Variants in RASAL2 observed in about 807,000 individuals in gnomAD.
RASAL2 encodes RAS protein activator like 2, also known as ras GTPase-activating protein nGAP.
RASAL2 carries 58 observed loss-of-function variants against 128.9 expected under a neutral mutation model. That is an observed-to-expected ratio of 0.45 (90% CI 0.36 to 0.56). The LOEUF is 0.56. Among genes scored for constraint, RASAL2 ranks in the 20% least tolerant of loss-of-function variants. RASAL2 has a pLI of 0.00. For synonymous variants in RASAL2, 561 were observed against 580.8 expected, an observed-to-expected ratio of 0.97 and a Z score of 0.49; for missense variants, 1,360 against 1,601.6, an observed-to-expected ratio of 0.85 and a Z score of 2.57.
intron 1 of RASAL2, among the ~76,000 whole-genome samples, chr1:178,259,324 G>A (rs933289281): frequency 6.6e-6 from 1 of 151,470 alleles, no homozygotes; most frequent in Non-Finnish European, 1.5e-5. Context: ...GTAGAGACGG[G>A]GTTTCACCGT....
intron 1 of RASAL2, among the ~76,000 whole-genome samples, chr1:178,174,871 A>G (rs1179852669): frequency 6.6e-6 from 1 of 152,164 alleles, no homozygotes; most frequent in African/African-American, 2.4e-5. Context: ...GCCAGATTGC[A>G]GCTTGTGAGC....
chr1:178,197,309 AG>A (rs1662691522), intron 1 of RASAL2, among the ~76,000 whole-genome samples: 1 of 152,026 alleles, frequency 6.6e-6, no homozygotes, highest in African/African-American at 2.4e-5. Flanking sequence ...TACAAAAATT[AG>A]CTGGGCTTGG....
chr1:178,138,393 T>G (rs552253291), intron 1 of RASAL2, among the ~76,000 whole-genome samples: 1 of 152,322 alleles, frequency 6.6e-6, no homozygotes, highest in Admixed American at 6.5e-5. Flanking sequence ...ATATCTCAAA[T>G]GTAAAAGTTT....
intron 1 of RASAL2, among the ~76,000 whole-genome samples, chr1:178,203,632 A>G (rs971460426): frequency 2.0e-5 from 3 of 152,238 alleles, no homozygotes; most frequent in African/African-American, 7.2e-5. Context: ...CACTGCCACC[A>G]GGAGGCACAA....
intron 4 of RASAL2, among the ~76,000 whole-genome samples, chr1:178,404,372 A>G (rs1673850297): frequency 7.3e-6 from 1 of 136,688 alleles, no homozygotes; most frequent in African/African-American, 3.5e-5. Context: ...AGACAAATGC[A>G]ATTTTTTTGT....
intron 1 of RASAL2, among the ~76,000 whole-genome samples, chr1:178,134,209 T>G (rs1660225844): frequency 6.6e-6 from 1 of 151,960 alleles, no homozygotes; most frequent in South Asian, 2.1e-4. Flanking sequence ...CTCTTTGGGG[T>G]GGGAGGATGG....
At chr1:178,116,266 T>C (rs989234960) in intron 1 of RASAL2, among the ~76,000 whole-genome samples, 11 of 152,226 alleles carry the variant, frequency 7.2e-5, no homozygotes, top group Admixed American at 1.3e-4. Flanking sequence ...ATGTTTTATT[T>C]TCTTTATTGT....
intron 5 of RASAL2, among the ~76,000 whole-genome samples, chr1:178,425,284 G>C (rs1675445909): frequency 6.6e-6 from 1 of 152,130 alleles, no homozygotes; most frequent in Non-Finnish European, 1.5e-5. Flanking sequence ...ATGAAAAGGG[G>C]CAAGGTAGGA....
At chr1:178,134,914 G>A (rs756766408) in intron 1 of RASAL2, among the ~76,000 whole-genome samples, 2 of 152,140 alleles carry the variant, frequency 1.3e-5, no homozygotes, top group African/African-American at 4.8e-5. Flanking sequence ...CATTTTGCTC[G>A]TTGACTTTTG....
chr1:178,308,606 T>C (rs965083643), intron 3 of RASAL2, among the ~76,000 whole-genome samples: 4 of 147,826 alleles, frequency 2.7e-5, no homozygotes, highest in Non-Finnish European at 5.9e-5. Flanking sequence ...AGTGGTGTGG[T>C]GTAATCATGA....
chr1:178,433,811 G>C (rs1225461688), intron 5 of RASAL2, among the ~76,000 whole-genome samples: 3 of 151,998 alleles, frequency 2.0e-5, no homozygotes, highest in Non-Finnish European at 4.4e-5. Flanking sequence ...CAACTACTTG[G>C]GAAGTTGAGG....
In RASAL2 at chr1:178,417,944, A is replaced by T. The variant is rs147208678; in HGVS notation, c.565-2567A>T. Among the ~76,000 whole-genome samples the T allele has an allele frequency of 7.3e-4, 111 of 152,186 alleles. 2 individuals are homozygous for T. In the East Asian group the frequency reaches 0.021, roughly 28 times the overall value. On this transcript the variant is annotated intron_variant, in intron 4 of 17. Coordinates refer to ENST00000367649, the MANE Select transcript of RASAL2 (RefSeq NM_170692.4). ...ACCTAGGCCTAGCAATCCTATTACAATTCTATAAACTTAAGCCTGGTTTGC... is the reference window on the plus strand; with the variant it reads ...ACCTAGGCCTAGCAATCCTATTACATTTCTATAAACTTAAGCCTGGTTTGC...
chr1:178,231,191 ACCTGGTGGTCACCTGACATG>A (rs753133200), intron 1 of RASAL2, among the ~76,000 whole-genome samples: 7 of 152,086 alleles, frequency 4.6e-5, no homozygotes, highest in Non-Finnish European at 8.8e-5. Context: ...CCTGACCATC[ACCTGGTGGTCACCTGACATG>A]CCTGGTGGTC....
intron 1 of RASAL2, among the ~76,000 whole-genome samples, chr1:178,239,661 G>C (rs1485506384): frequency 1.3e-5 from 2 of 152,008 alleles, no homozygotes; most frequent in Non-Finnish European, 2.9e-5. Context: ...CTCTATCCAA[G>C]GGACTTTTGA....
intron 5 of RASAL2, among the ~76,000 whole-genome samples, chr1:178,427,920 C>A (rs1291154415): frequency 6.6e-6 from 1 of 152,042 alleles, no homozygotes; most frequent in Non-Finnish European, 1.5e-5. Flanking sequence ...TATAGTCATA[C>A]CCACCTCCCC....
intron 1 of RASAL2, among the ~76,000 whole-genome samples, chr1:178,265,090 C>T (rs1303846424): frequency 6.6e-6 from 1 of 152,162 alleles, no homozygotes; most frequent in African/African-American, 2.4e-5. Flanking sequence ...CTTATTATAT[C>T]AGAATATCAC....
At chr1:178,268,148 G>A (rs923857715) in intron 1 of RASAL2, among the ~76,000 whole-genome samples, 2 of 151,900 alleles carry the variant, frequency 1.3e-5, no homozygotes, top group African/African-American at 4.8e-5. Context: ...GCAATAGAGT[G>A]AGACCCTACC....
At chr1:178,332,769 G>A (rs948296264) in intron 3 of RASAL2, among the ~76,000 whole-genome samples, 1 of 147,178 alleles carries the variant, frequency 6.8e-6, no homozygotes, top group Non-Finnish European at 1.5e-5. Context: ...CCGCCACCAC[G>A]CCCAGCTAAT....
intron 4 of RASAL2, among the ~76,000 whole-genome samples, chr1:178,390,459 A>T (rs116448276): frequency 0.039 from 5,997 of 151,826 alleles, 409 homozygotes; most frequent in African/African-American, 0.14. Flanking sequence ...ACTCACTGCA[A>T]CCTCCCCCTC....
Sources: allele counts gnomAD v4.1 joint callset (sites outside exome capture counted in the v4.1 genomes callset), GRCh38; gene constraint gnomAD v4.1.1; transcripts MANE v1.5; gene names NCBI Gene and HGNC (gene_info 2026-07-23, HGNC 2026-07-21).